The following BEND5 variants were observed in gnomAD, a reference collection of about 807,000 sequenced individuals.
BEND5 encodes BEN domain-containing protein 5.
In BEND5, 22 loss-of-function variants were observed where a neutral mutation model predicts 43.9. The ratio of observed to expected loss-of-function variants is 0.50; its 90% CI spans 0.36 to 0.72. The LOEUF (loss-of-function observed/expected upper bound fraction) is 0.72, where lower values mean the gene tolerates loss of function less well. BEND5 is among the 30% of genes least tolerant of loss of function. The pLI is 0.00. For synonymous variants in BEND5, 228 were observed against 225.9 expected (o/e 1.01, Z -0.08); for missense variants, 428 against 550.6 (o/e 0.78, Z 2.23).
At position 48,776,702 on chromosome 1, in the gene BEND5, G is replaced by A. The variant is rs1428341350; in HGVS notation, c.130C>T (p.Pro44Ser). Residue 44 changes from proline (P) to serine (S), a missense_variant, in exon 1 of 6, where the codon CCG (proline) becomes TCG (serine). Physicochemically the swap from Pro to Ser is moderately conservative, Grantham distance 74 (BLOSUM62 -1). Coordinates refer to ENST00000371833, the MANE Select transcript of BEND5 (RefSeq NM_024603.4). ...TCGGGCCCGGCGCCCAATTCCTCCGGGCCCCGGTACACGGCGTACACCTTC... is the reference window on the plus strand; with the variant it reads ...TCGGGCCCGGCGCCCAATTCCTCCGAGCCCCGGTACACGGCGTACACCTTC... ...NQKVYAVYRGPEELGAGPESP... is the reference protein window; with the variant it reads ...NQKVYAVYRGSEELGAGPESP... 3 of 1,519,156 alleles carry A rather than the reference G, an allele frequency of 2.0e-6. No individual in the cohort carries two copies. The African/African-American group carries it at 4.3e-5, about 22-fold the overall frequency. 94.1% of individuals were successfully genotyped at this position (1,519,156 alleles called of 1,614,324 possible). A position where few individuals can be genotyped will look rare whatever the true frequency, so the allele number is the denominator to read the frequency against.
intron 5 of BEND5, among the ~76,000 whole-genome samples, chr1:48,730,826 T>A (rs533235935): frequency 6.6e-6 from 1 of 152,296 alleles, no homozygotes; most frequent in South Asian, 2.1e-4. Flanking sequence ...GTTATAAAAA[T>A]TAACCGGAAC....
intron 1 of BEND5, among the ~76,000 whole-genome samples, chr1:48,764,492 G>T (rs1311855941): frequency 6.6e-6 from 1 of 152,120 alleles, no homozygotes; most frequent in Non-Finnish European, 1.5e-5. Context: ...GGGAAGGGGG[G>T]GAAATATTTG....
chr1:48,770,232 C>T (rs528418188), intron 1 of BEND5, among the ~76,000 whole-genome samples: 2 of 152,350 alleles, frequency 1.3e-5, no homozygotes, highest in South Asian at 2.1e-4. Flanking sequence ...CCATTCAAAT[C>T]TTTTCTTTTC....
intron 3 of BEND5, among the ~76,000 whole-genome samples, chr1:48,745,656 T>A (rs1380686721): frequency 6.6e-6 from 1 of 152,222 alleles, no homozygotes; most frequent in Non-Finnish European, 1.5e-5. Flanking sequence ...CCACCAGTGA[T>A]GCAAGGCCTG....
chr1:48,769,016 T>G (rs940225516), intron 1 of BEND5, among the ~76,000 whole-genome samples: 16 of 152,160 alleles, frequency 1.1e-4, no homozygotes, highest in African/African-American at 1.7e-4. Context: ...AGACACCAAA[T>G]CGAGGCCTGC....
chr1:48,765,100 T>C (rs531418722), intron 1 of BEND5, among the ~76,000 whole-genome samples: 8 of 151,980 alleles, frequency 5.3e-5, no homozygotes, highest in Non-Finnish European at 1.0e-4. Context: ...CTCTCAAAGA[T>C]GCATTACACA....
At position 48,736,333 on chromosome 1, in the gene BEND5, C is replaced by G. The variant is rs775711008; in HGVS notation, c.1014G>C (p.Leu338=). The G allele has an allele frequency of 2.5e-6, 4 of 1,614,040 alleles. No individual in the cohort carries two copies. In the East Asian group the frequency reaches 8.9e-5, roughly 36 times the overall value. ...LAVMIWGTDV[L]KNRSVTGVAT... ...CGACGCCTGTGACGCTTCTGTTTTT[C>G]AGAACATCTGTTCCCCAAATCATAA... Residue 338 remains leucine (L), a synonymous_variant, in exon 5 of 6, where the codon CTG becomes CTC. Coordinates refer to ENST00000371833, the MANE Select transcript of BEND5 (RefSeq NM_024603.4). The surrounding 1 kb of genome is among the most constrained non-coding windows in gnomAD (Gnocchi z 4.0).
At position 48,728,765 on chromosome 1, in the gene BEND5, G is replaced by A. The variant is rs140745875; in HGVS notation, c.1109-722C>T. On this transcript the variant is annotated intron_variant, in intron 5 of 5. Coordinates refer to ENST00000371833, the MANE Select transcript of BEND5 (RefSeq NM_024603.4). Reference sequence around the variant, plus strand: ...ATTCAACTTTATTAGGTGATGCCTGGTAAATTGCTTTCCAAAGTGGTTGTG... The same window carrying A: ...ATTCAACTTTATTAGGTGATGCCTGATAAATTGCTTTCCAAAGTGGTTGTG... 5.3e-4 allele frequency among the ~76,000 whole-genome samples: 81 copies of A among 152,322 alleles called. 1 individual carries two copies. The South Asian group carries it at 0.013, about 25-fold the overall frequency.
rs756896304 is a variant in BEND5 at position 48,759,177 on chromosome 1, C to T, written c.468G>A (p.Pro156=). 9.3e-6 allele frequency: 15 copies of T among 1,613,862 alleles called. No homozygotes were observed. Among genetic ancestry groups the T allele is most frequent in the East Asian group, 6.7e-5 (3 of 44,888 alleles). Residue 156 remains proline (P), a synonymous_variant, in exon 3 of 6, where the codon CCG becomes CCA. Transcript: ENST00000371833. The part of the protein sequence containing the change: ...NGLSLGHSTC[P]EEVFVEASPG... ...GCGAGGCCTCCACGAAGACCTCTTC[C>T]GGACACGTGCTATGGCCCAGGCTCA...
intron 3 of BEND5, among the ~76,000 whole-genome samples, chr1:48,751,011 C>A (rs1651648994): frequency 6.6e-6 from 1 of 152,176 alleles, no homozygotes; most frequent in South Asian, 2.1e-4. Context: ...GAACACAAAC[C>A]TTCCACTGCT....
intron 3 of BEND5, among the ~76,000 whole-genome samples, chr1:48,747,475 G>C (rs1047521783): frequency 6.6e-6 from 1 of 152,166 alleles, no homozygotes; most frequent in Non-Finnish European, 1.5e-5. Context: ...AGGCACTGGG[G>C]ACCCAGAGAC....
Position 48,742,774 on chromosome 1 carries a change from A to C in BEND5, c.746-3T>G. On this transcript the variant is annotated splice_polypyrimidine_tract_variant and splice_region_variant and intron_variant, in intron 3 of 5. Transcript: ENST00000371833. ...TTTTTCCAGATCAATGGCGGGACCT[A>C]GGCAGTTAAGAAAAGAAATCTGTCT... 6.4e-7 allele frequency: 1 copy of C among 1,565,564 alleles called. No homozygotes were observed. Among genetic ancestry groups the C allele is most frequent in the Non-Finnish European group, 8.7e-7 (1 of 1,152,872 alleles).
At chr1:48,764,727 C>A (rs576494674) in intron 1 of BEND5, among the ~76,000 whole-genome samples, 1 of 152,330 alleles carries the variant, frequency 6.6e-6, no homozygotes, top group Admixed American at 6.5e-5. Context: ...TGCTACCTCA[C>A]TGAGCATAAT....
chr1:48,763,219 A>T (rs1425458318), intron 1 of BEND5, among the ~76,000 whole-genome samples: 1 of 152,110 alleles, frequency 6.6e-6, no homozygotes, highest in African/African-American at 2.4e-5. Flanking sequence ...TACTGATGAA[A>T]ACGGCCTTTC....
At chr1:48,760,448 T>C (rs1644195780) in intron 2 of BEND5, among the ~76,000 whole-genome samples, 1 of 152,218 alleles carries the variant, frequency 6.6e-6, no homozygotes, top group Non-Finnish European at 1.5e-5. Context: ...TTGTGTTACA[T>C]GACAAAATCG....
chr1:48,737,143 G>A (rs1649191454), intron 4 of BEND5, among the ~76,000 whole-genome samples: 3 of 152,256 alleles, frequency 2.0e-5, no homozygotes, highest in Admixed American at 1.3e-4. Flanking sequence ...AATTAGCCAG[G>A]TGTGGTGGCA....
At chr1:48,769,342 G>A (rs984550852) in intron 1 of BEND5, among the ~76,000 whole-genome samples, 9 of 152,052 alleles carry the variant, frequency 5.9e-5, no homozygotes, top group Admixed American at 2.0e-4. Context: ...GTACAGGACT[G>A]GGGCACAGAA....
intron 4 of BEND5, among the ~76,000 whole-genome samples, chr1:48,739,074 C>A (rs1020019265): frequency 6.6e-6 from 1 of 152,194 alleles, no homozygotes; most frequent in Admixed American, 6.5e-5. Context: ...TCAAAGACAG[C>A]AGACCTAACA....
rs1448230395 is a variant in BEND5 at position 48,759,129 on chromosome 1, A to T, written c.516T>A (p.Ser172Arg). The change falls in exon 3 of 6, where the codon AGT becomes AGA. Residue 172 changes from serine (S) to arginine (R), a missense_variant. Physicochemically the swap from Ser to Arg is moderately radical, Grantham distance 110. Around this residue, in one of 4 missense-constraint regions of BEND5, gnomAD observed 243 missense variants for 286.4 expected, o/e 0.85. Transcript: ENST00000371833. The stretch of plus-strand genomic sequence containing the variant: ...CCCGGGGCACCACAGCATCTTCTAG[A>T]CTGTCCATGTCCTCTGTGCCTGGCG... ...EASPGTEDMD[S>R]LEDAVVPRAL... The T allele has an allele frequency of 6.2e-7, 1 of 1,613,532 alleles. No homozygotes were observed. The highest frequency in any genetic ancestry group is 1.7e-5 in the Admixed American group (1 of 59,938).
Sources: gnomAD v4.1 joint callset for allele counts (sites outside exome capture counted in the v4.1 genomes callset) on GRCh38, gnomAD v4.1.1 for gene constraint, gnomAD v4.1.1 regional missense constraint, Gnocchi (gnomAD v3.1) non-coding constraint, MANE v1.5 for transcripts, NCBI Gene and HGNC (gene_info 2026-07-23, HGNC 2026-07-21) for gene names.